The following SORCS2 variants were observed in gnomAD, a reference collection of about 807,000 sequenced individuals.
SORCS2 encodes the protein VPS10 domain-containing receptor SorCS2.
In SORCS2, 100 loss-of-function variants were observed where a neutral mutation model predicts 141.6. The ratio of observed to expected loss-of-function variants is 0.71; its 90% CI spans 0.60 to 0.83. SORCS2 has a LOEUF of 0.83. Among genes scored for constraint, SORCS2 ranks in the 40% least tolerant of loss-of-function variants. The pLI is 0.00. For missense variants in SORCS2, 1,646 were observed against 1,560.2 expected, an observed-to-expected ratio of 1.05 and a Z score of -0.93; for synonymous variants, 789 against 676.9, an observed-to-expected ratio of 1.17 and a Z score of -2.57.
chr4:7,261,235 C>A (rs889224214), intron 1 of SORCS2, among the ~76,000 whole-genome samples: 1 of 152,158 alleles, frequency 6.6e-6, no homozygotes, highest in Non-Finnish European at 1.5e-5. Flanking sequence ...TTTGATCCAG[C>A]TTGTGGAGGC....
At chr4:7,488,065 A>G (rs1222003781) in intron 2 of SORCS2, among the ~76,000 whole-genome samples, 2 of 152,166 alleles carry the variant, frequency 1.3e-5, no homozygotes, top group African/African-American at 4.8e-5. Flanking sequence ...GGTAATGCGC[A>G]TCTCCCGGTA....
intron 3 of SORCS2, among the ~76,000 whole-genome samples, chr4:7,571,443 T>G (rs371307550): frequency 6.6e-6 from 1 of 152,078 alleles, no homozygotes; most frequent in Admixed American, 6.5e-5. Flanking sequence ...ACTCCCCCAG[T>G]GTTTGATGAG....
intron 3 of SORCS2, among the ~76,000 whole-genome samples, chr4:7,577,166 A>C (rs1422613308): frequency 6.6e-6 from 1 of 152,164 alleles, no homozygotes. Flanking sequence ...GTGGGTCCAC[A>C]TAAGGGAGTG....
At chr4:7,592,006 C>T (rs988729047) in intron 3 of SORCS2, among the ~76,000 whole-genome samples, 2 of 152,106 alleles carry the variant, frequency 1.3e-5, no homozygotes, top group Admixed American at 1.3e-4. Context: ...AAAAAAAAAT[C>T]CCCCTTTAAA....
intron 4 of SORCS2, among the ~76,000 whole-genome samples, chr4:7,652,073 A>C (rs1011503412): frequency 2.0e-5 from 3 of 152,154 alleles, no homozygotes; most frequent in African/African-American, 7.2e-5. Flanking sequence ...GGAGAATGGC[A>C]CTATGAAGTC....
intron 19 of SORCS2, among the ~76,000 whole-genome samples, chr4:7,724,144 GGTC>G (rs1338946274): frequency 1.0e-4 from 13 of 128,438 alleles, no homozygotes; most frequent in East Asian, 2.7e-4. Context: ...TGGTGGTGAT[GGTC>G]GTGGTGGTGG....
At chr4:7,392,836 C>T (rs904451387) in intron 1 of SORCS2, among the ~76,000 whole-genome samples, 31 of 151,226 alleles carry the variant, frequency 2.0e-4, no homozygotes, top group Non-Finnish European at 2.5e-4. Context: ...GGTCACTGGG[C>T]GGTTCTGTGC....
At chr4:7,413,050 C>CAAGGTACTGGGTAGTGCCTT (rs545450687) in intron 2 of SORCS2, among the ~76,000 whole-genome samples, 26 of 152,132 alleles carry the variant, frequency 1.7e-4, no homozygotes, top group Non-Finnish European at 3.7e-4. Flanking sequence ...TTCCTCAAAC[C>CAAGGTACTGGGTAGTGCCTT]AAGGTACTGG....
intron 1 of SORCS2, among the ~76,000 whole-genome samples, chr4:7,339,587 C>T (rs1369084744): frequency 6.6e-6 from 1 of 152,178 alleles, no homozygotes; most frequent in African/African-American, 2.4e-5. Flanking sequence ...CGGTGTTCTC[C>T]CGGATAGCGT....
At chr4:7,580,378 T>C (rs1204499662) in intron 3 of SORCS2, among the ~76,000 whole-genome samples, 1 of 151,970 alleles carries the variant, frequency 6.6e-6, no homozygotes, top group East Asian at 1.9e-4. Flanking sequence ...TAATCCCAGC[T>C]ACTCAGGAGG....
intron 4 of SORCS2, among the ~76,000 whole-genome samples, chr4:7,647,674 C>T (rs1721167354): frequency 6.6e-6 from 1 of 152,188 alleles, no homozygotes; most frequent in South Asian, 2.1e-4. Flanking sequence ...AGATCCAGTT[C>T]TGATATGGAC....
At chr4:7,321,156 C>T (rs1287255703) in intron 1 of SORCS2, among the ~76,000 whole-genome samples, 3 of 152,124 alleles carry the variant, frequency 2.0e-5, no homozygotes, top group Non-Finnish European at 2.9e-5. Context: ...TTTGCCTACC[C>T]ATAGCTTAGC....
At chr4:7,465,585 T>A (rs1729566696) in intron 2 of SORCS2, among the ~76,000 whole-genome samples, 1 of 152,206 alleles carries the variant, frequency 6.6e-6, no homozygotes, top group Non-Finnish European at 1.5e-5. Context: ...GTGCTGGAGA[T>A]ATGTGTGCAC....
At position 7,420,646 on chromosome 4, in the gene SORCS2, C is replaced by G. The variant is rs972464721; in HGVS notation, c.548+24291C>G. On this transcript the variant is annotated intron_variant, in intron 2 of 26. Transcript: ENST00000507866. ...ACACCTTGCCTGCTTGTCCTCTTTC[C>G]TGACGCCACTGAGCCCATTGCCTCC... is the stretch of plus-strand genomic sequence containing the variant. Among the ~76,000 whole-genome samples, 8 of 152,252 alleles carry G rather than the reference C, an allele frequency of 5.3e-5. No individual in the cohort carries two copies. The East Asian group carries it at 1.5e-3, about 29-fold the overall frequency.
intron 1 of SORCS2, among the ~76,000 whole-genome samples, chr4:7,321,305 T>C (rs966356335): frequency 6.6e-6 from 1 of 152,188 alleles, no homozygotes; most frequent in Non-Finnish European, 1.5e-5. Context: ...TAGTATTCCA[T>C]GGTGTATGTA....
At chr4:7,604,393 C>G (rs1414825537) in intron 3 of SORCS2, among the ~76,000 whole-genome samples, 1 of 152,254 alleles carries the variant, frequency 6.6e-6, no homozygotes, top group Non-Finnish European at 1.5e-5. Flanking sequence ...TCTCGGCTCA[C>G]TGCAAGCTCC....
chr4:7,570,313 C>T (rs1332634207), intron 3 of SORCS2, among the ~76,000 whole-genome samples: 1 of 152,202 alleles, frequency 6.6e-6, no homozygotes, highest in Non-Finnish European at 1.5e-5. Context: ...TACTCACAGC[C>T]TCGAGGCAAC....
chr4:7,265,366 C>T (rs953001229), intron 1 of SORCS2, among the ~76,000 whole-genome samples: 1 of 152,188 alleles, frequency 6.6e-6, no homozygotes, highest in Non-Finnish European at 1.5e-5. Flanking sequence ...TGGTGTGTGC[C>T]TGTGGTCCCA....
At position 7,305,507 on chromosome 4, in the gene SORCS2, G is replaced by T. The variant is rs114922434; in HGVS notation, c.481-90781G>T. ...CGCTCAGCTCCCCTCTCCGTCGTCT[G>T]CTTCTTGCAGTGGCATAGCAGGTGG... On this transcript the variant is annotated intron_variant, in intron 1 of 26. Transcript: ENST00000507866. 2.8e-3 allele frequency among the ~76,000 whole-genome samples: 419 copies of T among 152,264 alleles called. 1 individual carries two copies. The highest frequency in any genetic ancestry group is 9.4e-3 in the African/African-American group (390 of 41,542).
Sources: gnomAD v4.1 joint callset for allele counts (sites outside exome capture counted in the v4.1 genomes callset) on GRCh38, gnomAD v4.1.1 for gene constraint, MANE v1.5 for transcripts, NCBI Gene and HGNC (gene_info 2026-07-23, HGNC 2026-07-21) for gene names.